The following SLC8A1 variants were observed in gnomAD, a reference collection of about 807,000 sequenced individuals.
SLC8A1 encodes sodium/calcium exchanger 1.
SLC8A1 carries 18 observed loss-of-function variants against 68.3 expected under a neutral mutation model. The observed-to-expected ratio is 0.26, with a 90% CI of 0.18 to 0.39. The LOEUF is 0.39. SLC8A1 is among the 10% of genes least tolerant of loss of function. The pLI, the probability that SLC8A1 is intolerant of heterozygous loss-of-function variation, is 1.00. For missense variants in SLC8A1, 985 were observed against 1,156.7 expected, an observed-to-expected ratio of 0.85 and a Z score of 2.15; for synonymous variants, 475 against 415.5, an observed-to-expected ratio of 1.14 and a Z score of -1.74.
intron 2 of SLC8A1, among the ~76,000 whole-genome samples, chr2:40,240,810 C>A (rs144878864): frequency 3.9e-5 from 6 of 152,274 alleles, no homozygotes; most frequent in African/African-American, 9.6e-5. Flanking sequence ...CCTAGGAGTT[C>A]AAGGCTGCAG....
At chr2:40,428,398 G>A (rs1697419230) in intron 2 of SLC8A1, 75 bp downstream of exon 2, 2 of 1,427,976 alleles carry the variant, frequency 1.4e-6, no homozygotes, top group East Asian at 2.5e-5. Flanking sequence ...ATGATGCACA[G>A]ACTCACATTC....
intron 1 of SLC8A1, among the ~76,000 whole-genome samples, chr2:40,450,245 C>T (rs559924045): frequency 1.3e-5 from 2 of 152,102 alleles, no homozygotes; most frequent in Non-Finnish European, 2.9e-5. Context: ...ATCCCTCTTC[C>T]GGCTTTGTCT....
chr2:40,499,797 C>A (rs1000039932), intron 1 of SLC8A1, among the ~76,000 whole-genome samples: 6 of 152,158 alleles, frequency 3.9e-5, no homozygotes, highest in African/African-American at 1.2e-4. Context: ...TGTCAATAAC[C>A]GAGTCAGAAT....
At chr2:40,405,490 T>C (rs577782418) in intron 2 of SLC8A1, among the ~76,000 whole-genome samples, 14 of 152,336 alleles carry the variant, frequency 9.2e-5, no homozygotes, top group African/African-American at 3.1e-4. Context: ...GTTGTCCGCT[T>C]TTCCAGCACA....
At chr2:40,390,251 C>A (rs567397432) in intron 2 of SLC8A1, among the ~76,000 whole-genome samples, 1 of 152,150 alleles carries the variant, frequency 6.6e-6, no homozygotes, top group Admixed American at 6.6e-5. Flanking sequence ...CCTTAAGGAG[C>A]AGATTCTGTT....
intron 2 of SLC8A1, among the ~76,000 whole-genome samples, chr2:40,238,082 G>T (rs945235896): frequency 1.3e-5 from 2 of 152,242 alleles, no homozygotes; most frequent in African/African-American, 4.8e-5. Context: ...TGCCCCCAGA[G>T]GTGGAGCCTA....
At chr2:40,107,282 A>AAAAAAAAAAAAAAGAAAAAAC (rs1246549211) in exon 8 of SLC8A1, 1 of 94,504 alleles carries the variant, frequency 1.1e-5, no homozygotes, top group Non-Finnish European at 2.1e-5. Context: ...TCCGTCTCAA[A>AAAAAAAAAAAAAAGAAAAAAC]AAAAAAAAAA....
rs567314412 is a variant in SLC8A1 at position 40,225,909 on chromosome 2, G to A, written c.1809-48054C>T. 3.9e-5 allele frequency among the ~76,000 whole-genome samples: 6 copies of A among 152,268 alleles called. No homozygotes were observed. In the East Asian group the frequency reaches 1.2e-3, roughly 29 times the overall value. Reference sequence around the variant, plus strand: ...AATGGCAAGCTTCAGCGTTAGAGTTGCTCTATTTATACACTGCTTTGCAGA... The same window carrying A: ...AATGGCAAGCTTCAGCGTTAGAGTTACTCTATTTATACACTGCTTTGCAGA... On this transcript the variant is annotated intron_variant, in intron 2 of 7. Coordinates refer to ENST00000406785, the Ensembl canonical transcript of SLC8A1.
intron 2 of SLC8A1, among the ~76,000 whole-genome samples, chr2:40,332,591 T>C (rs2076532357): frequency 6.6e-6 from 1 of 152,130 alleles, no homozygotes; most frequent in Non-Finnish European, 1.5e-5. Flanking sequence ...GAGCCAAAAA[T>C]GGCTTAGGAA....
chr2:40,253,272 C>T (rs2063282064), intron 2 of SLC8A1, among the ~76,000 whole-genome samples: 1 of 149,206 alleles, frequency 6.7e-6, no homozygotes, highest in Non-Finnish European at 1.5e-5. Context: ...TATACATGTA[C>T]ATATGACGTA....
At chr2:40,295,145 G>C (rs896994132) in intron 2 of SLC8A1, among the ~76,000 whole-genome samples, 1 of 151,896 alleles carries the variant, frequency 6.6e-6, no homozygotes, top group Non-Finnish European at 1.5e-5. Flanking sequence ...TGTCACTCAG[G>C]CTAGAGTGCA....
At chr2:40,236,530 C>G (rs1364456474) in intron 2 of SLC8A1, among the ~76,000 whole-genome samples, 1 of 150,814 alleles carries the variant, frequency 6.6e-6, no homozygotes, top group East Asian at 1.9e-4. Context: ...ATACAGCACA[C>G]TGATGGGTCT....
chr2:40,218,992 A>G (rs535779277), intron 2 of SLC8A1, among the ~76,000 whole-genome samples: 14 of 123,840 alleles, frequency 1.1e-4, no homozygotes, highest in African/African-American at 4.2e-4. Flanking sequence ...CTTCACAGGA[A>G]ACTGGGCTTT....
At chr2:40,198,901 G>A (rs773513452) in intron 2 of SLC8A1, among the ~76,000 whole-genome samples, 9 of 149,338 alleles carry the variant, frequency 6.0e-5, no homozygotes, top group Non-Finnish European at 1.2e-4. Flanking sequence ...TGAGCTTTCA[G>A]AGAGATTTTG....
At chr2:40,324,150 C>G (rs1226465010) in intron 2 of SLC8A1, among the ~76,000 whole-genome samples, 1 of 151,822 alleles carries the variant, frequency 6.6e-6, no homozygotes, top group African/African-American at 2.4e-5. Context: ...ATATTCTAAA[C>G]AGAAATCCAC....
At chr2:40,404,637 C>T (rs1689767027) in intron 2 of SLC8A1, among the ~76,000 whole-genome samples, 2 of 152,122 alleles carry the variant, frequency 1.3e-5, no homozygotes, top group Non-Finnish European at 2.9e-5. Flanking sequence ...GCTCTAAAGA[C>T]CATTGGTCTG....
At chr2:40,288,983 G>C (rs1156559972) in intron 2 of SLC8A1, among the ~76,000 whole-genome samples, 1 of 151,234 alleles carries the variant, frequency 6.6e-6, no homozygotes, top group Non-Finnish European at 1.5e-5. Context: ...GTTGGGATTA[G>C]GCGTGAGCCA....
intron 2 of SLC8A1, among the ~76,000 whole-genome samples, chr2:40,340,902 G>T (rs555561000): frequency 6.6e-6 from 1 of 152,154 alleles, no homozygotes; most frequent in Non-Finnish European, 1.5e-5. Context: ...CTGGAGACTT[G>T]TACTAAAGGC....
At chr2:40,363,113 G>C (rs1322876935) in intron 2 of SLC8A1, among the ~76,000 whole-genome samples, 2 of 152,046 alleles carry the variant, frequency 1.3e-5, no homozygotes, top group Admixed American at 1.3e-4. Context: ...TTGTACATCT[G>C]ATCTAGAGGA....
Sources: allele counts gnomAD v4.1 joint callset (sites outside exome capture counted in the v4.1 genomes callset), GRCh38; gene constraint gnomAD v4.1.1; transcripts MANE v1.5; gene names NCBI Gene and HGNC (gene_info 2026-07-23, HGNC 2026-07-21).